The following APBA1 variants were observed in gnomAD, a reference collection of about 807,000 sequenced individuals.
APBA1 encodes the protein amyloid beta precursor protein binding family A member 1, also known as amyloid-beta A4 precursor protein-binding family A member 1.
Under a neutral mutation model 86.6 loss-of-function variants are expected in APBA1, and 55 were observed. The observed-to-expected ratio is 0.64, with a 90% CI of 0.51 to 0.80. APBA1 has a LOEUF of 0.80. Among genes scored for constraint, APBA1 ranks in the 30% least tolerant of loss-of-function variants. The pLI is 0.00. For synonymous variants in APBA1, 511 were observed against 493.9 expected (o/e 1.03, Z -0.46); for missense variants, 1,090 against 1,183.0 (o/e 0.92, Z 1.15).
At chr9:69,631,035 A>G (rs1283652960) in intron 1 of APBA1, among the ~76,000 whole-genome samples, 1 of 152,198 alleles carries the variant, frequency 6.6e-6, no homozygotes, top group African/African-American at 2.4e-5. Context: ...GGGATTTTTA[A>G]CAGCAGCCTT....
chr9:69,467,949 G>C lies in APBA1; in HGVS notation c.1356C>G (p.Pro452=), dbSNP rs543794982. ...AAATGATTCCATCGATCAAGTCTTC[G>C]GGGTCGCAGGGTCCCGGAACTGTAA... ...TYVEVPGPCD[P]EDLIDGIIFA... Residue 452 remains proline (P), a synonymous_variant, in exon 5 of 13, where the codon CCC becomes CCG. Transcript: ENST00000265381. 5.0e-6 allele frequency: 8 copies of C among 1,614,090 alleles called. No homozygotes were observed. The highest frequency in any genetic ancestry group is 2.2e-5 in the East Asian group (1 of 44,862).
intron 1 of APBA1, among the ~76,000 whole-genome samples, chr9:69,553,500 T>C (rs1461853182): frequency 6.6e-6 from 1 of 152,216 alleles, no homozygotes; most frequent in Non-Finnish European, 1.5e-5. Context: ...CTTTATTAAC[T>C]CAATATAATG....
chr9:69,606,464 G>C (rs937821003), intron 1 of APBA1, among the ~76,000 whole-genome samples: 2 of 142,150 alleles, frequency 1.4e-5, no homozygotes. Context: ...TTGACACAGT[G>C]AGTGAGGGAG....
intron 8 of APBA1, among the ~76,000 whole-genome samples, chr9:69,455,737 T>C (rs1268136863): frequency 6.6e-6 from 1 of 152,096 alleles, no homozygotes; most frequent in Non-Finnish European, 1.5e-5. Context: ...TGGACAGACC[T>C]GCTCAAACCC....
chr9:69,657,169 C>A (rs1823630083), intron 1 of APBA1, among the ~76,000 whole-genome samples: 1 of 152,160 alleles, frequency 6.6e-6, no homozygotes, highest in Admixed American at 6.5e-5. Flanking sequence ...AAGAGACCTG[C>A]CTAAAATTTT....
At chr9:69,546,704 A>G (rs1304447615) in intron 1 of APBA1, among the ~76,000 whole-genome samples, 1 of 152,248 alleles carries the variant, frequency 6.6e-6, no homozygotes, top group Non-Finnish European at 1.5e-5. Context: ...TATGTTTCTT[A>G]TAATATATAA....
intron 1 of APBA1, among the ~76,000 whole-genome samples, chr9:69,647,676 A>G (rs767560187): frequency 4.6e-5 from 7 of 152,228 alleles, no homozygotes; most frequent in Non-Finnish European, 1.0e-4. Flanking sequence ...CATCAAACAC[A>G]TAACTCTTAA....
chr9:69,608,877 C>T (rs1267393401), intron 1 of APBA1, among the ~76,000 whole-genome samples: 1 of 152,120 alleles, frequency 6.6e-6, no homozygotes, highest in Non-Finnish European at 1.5e-5. Flanking sequence ...CACCCTGTGC[C>T]GTCTTGTTAG....
intron 1 of APBA1, among the ~76,000 whole-genome samples, chr9:69,531,171 A>T (rs1836427588): frequency 6.6e-6 from 1 of 152,212 alleles, no homozygotes; most frequent in South Asian, 2.1e-4. Flanking sequence ...AATTTGGACT[A>T]GCCCCACTTC....
intron 1 of APBA1, among the ~76,000 whole-genome samples, chr9:69,570,749 T>G (rs946357092): frequency 2.0e-5 from 3 of 152,122 alleles, no homozygotes; most frequent in Non-Finnish European, 4.4e-5. Context: ...ATTGTGTATC[T>G]CTCTCCCCAT....
chr9:69,490,307 C>T (rs1048380558), intron 2 of APBA1, among the ~76,000 whole-genome samples: 5 of 151,670 alleles, frequency 3.3e-5, no homozygotes, highest in South Asian at 2.1e-4. Context: ...GGGAACATCA[C>T]ACTCTGGGGA....
chr9:69,612,664 A>G (rs1031301511), intron 1 of APBA1, among the ~76,000 whole-genome samples: 44 of 152,178 alleles, frequency 2.9e-4, no homozygotes, highest in Admixed American at 1.6e-3. Context: ...TAAGAGTTTA[A>G]AATTCTAATT....
intron 2 of APBA1, among the ~76,000 whole-genome samples, chr9:69,481,267 T>A (rs1835502759): frequency 6.6e-6 from 1 of 152,008 alleles, no homozygotes; most frequent in Non-Finnish European, 1.5e-5. Flanking sequence ...ATAAGCAACT[T>A]CAGCAAAGTC....
chr9:69,670,137 T>C (rs540066836), intron 1 of APBA1, among the ~76,000 whole-genome samples: 7 of 152,286 alleles, frequency 4.6e-5, no homozygotes, highest in South Asian at 2.1e-4. Flanking sequence ...CACATTAAAA[T>C]CTTAGAAGGC....
Position 69,429,587 on chromosome 9 carries a change from C to T in APBA1, c.*1740G>A, listed in dbSNP as rs1834553021. 6.6e-6 allele frequency: 1 copy of T among 152,078 alleles called. No individual in the cohort carries two copies. The highest frequency in any genetic ancestry group is 2.4e-5 in the African/African-American group (1 of 41,436). 9.4% of individuals were successfully genotyped at this position (152,078 alleles called of 1,614,324 possible). A position where few individuals can be genotyped will look rare whatever the true frequency, so the allele number is the denominator to read the frequency against. ...TCGTTCCTGTCAAGCACTGAGCTTC[C>T]CTGATTCTAAGCAGAAAACTCAGAA... On this transcript the variant is annotated 3_prime_UTR_variant, in exon 13 of 13. Transcript: ENST00000265381.
intron 1 of APBA1, among the ~76,000 whole-genome samples, chr9:69,579,477 T>C (rs955318857): frequency 6.6e-6 from 1 of 152,226 alleles, no homozygotes; most frequent in Non-Finnish European, 1.5e-5. Context: ...TCATTTACAA[T>C]GAAGGCAGGA....
At chr9:69,668,158 T>C (rs973388218) in intron 1 of APBA1, among the ~76,000 whole-genome samples, 34 of 152,318 alleles carry the variant, frequency 2.2e-4, no homozygotes, top group African/African-American at 7.5e-4. Context: ...TCCTGGGATA[T>C]GAAAATCGCT....
At chr9:69,590,624 A>G (rs976513857) in intron 1 of APBA1, among the ~76,000 whole-genome samples, 2 of 152,166 alleles carry the variant, frequency 1.3e-5, no homozygotes, top group African/African-American at 4.8e-5. Flanking sequence ...CCCTCCCCAA[A>G]CGATCTCAAA....
intron 9 of APBA1, among the ~76,000 whole-genome samples, chr9:69,450,387 G>T (rs1834986609): frequency 6.6e-6 from 1 of 152,162 alleles, no homozygotes; most frequent in Non-Finnish European, 1.5e-5. Context: ...ACCTTCACTG[G>T]CAGGGCAGAG....
Sources: allele counts gnomAD v4.1 joint callset (sites outside exome capture counted in the v4.1 genomes callset), GRCh38; gene constraint gnomAD v4.1.1; transcripts MANE v1.5; gene names NCBI Gene and HGNC (gene_info 2026-07-23, HGNC 2026-07-21).